Variants in LIN28B observed in about 807,000 individuals in gnomAD.
LIN28B encodes lin-28 RNA binding posttranscriptional regulator B, also known as protein lin-28 homolog B.
Under a neutral mutation model 21.9 loss-of-function variants are expected in LIN28B, and 5 were observed. That is an observed-to-expected ratio of 0.23 (90% CI 0.12 to 0.48). The LOEUF (loss-of-function observed/expected upper bound fraction) is 0.48, where lower values mean the gene tolerates loss of function less well. Ranked by LOEUF, LIN28B falls within the 20% of genes least tolerant of loss-of-function variation. The pLI is 0.98. For synonymous variants in LIN28B, 109 were observed against 111.3 expected, an observed-to-expected ratio of 0.98 and a Z score of 0.13; for missense variants, 245 against 310.5, an observed-to-expected ratio of 0.79 and a Z score of 1.58.
chr6:105,045,284 G>GTTT (rs57205680), intron 3 of LIN28B, among the ~76,000 whole-genome samples: 1,222 of 116,792 alleles, frequency 0.01, 78 homozygotes, highest in African/African-American at 0.039. Flanking sequence ...ATGTCATTCT[G>GTTT]TTTTTTTTTT....
intron 2 of LIN28B, among the ~76,000 whole-genome samples, chr6:105,023,525 ATAT>A (rs1562096552): frequency 1.4e-3 from 1 of 696 alleles, no homozygotes; most frequent in African/African-American, 2.3e-3. Context: ...ATATATAATT[ATAT>A]TATATAATAT....
intron 1 of LIN28B, among the ~76,000 whole-genome samples, chr6:104,957,539 G>A (rs1398479049): frequency 6.6e-6 from 1 of 151,070 alleles, no homozygotes; most frequent in Admixed American, 6.6e-5. Context: ...GTTTCAGTTA[G>A]TGATTCCAAG....
chr6:104,999,316 T>G (rs1770673727), intron 2 of LIN28B, among the ~76,000 whole-genome samples: 1 of 152,056 alleles, frequency 6.6e-6, no homozygotes, highest in South Asian at 2.1e-4. Context: ...ATTTTGTGTT[T>G]TTTGTAGAGA....
At chr6:104,950,727 C>T (rs1294963133) in intron 3 of LIN28B, among the ~76,000 whole-genome samples, 1 of 151,842 alleles carries the variant, frequency 6.6e-6, no homozygotes, top group Non-Finnish European at 1.5e-5. Context: ...TTCTAATTAA[C>T]CCCTTTCCCC....
chr6:104,986,138 C>T (rs1036340686), intron 2 of LIN28B, among the ~76,000 whole-genome samples: 1 of 152,070 alleles, frequency 6.6e-6, no homozygotes, highest in Admixed American at 6.6e-5. Flanking sequence ...AGCACTTCCC[C>T]CTTTGCTCTC....
intron 3 of LIN28B, among the ~76,000 whole-genome samples, chr6:105,036,831 T>C (rs1771531273): frequency 6.6e-6 from 1 of 152,224 alleles, no homozygotes; most frequent in African/African-American, 2.4e-5. Context: ...TGCTTTAGAC[T>C]GTGGCCTTGG....
chr6:104,941,031 G>C (rs1239523563), intron 2 of LIN28B: 1 of 152,142 alleles, frequency 6.6e-6, no homozygotes, highest in Non-Finnish European at 1.5e-5. Flanking sequence ...CCGGCCCCGC[G>C]GCCGCGCGAG....
rs1317672710 is a variant in LIN28B at position 105,013,177 on chromosome 6, A to G, written c.199-13121A>G. Among the ~76,000 whole-genome samples, 4 of 151,580 alleles carry G rather than the reference A, an allele frequency of 2.6e-5. No homozygotes were observed. The East Asian group carries it at 7.8e-4, about 29-fold the overall frequency. ...CAGGCGTGCACCACCAAGCCCGGCT[A>G]ATTTTGTATTTTTAGTAGAGACAGA... On this transcript the variant is annotated intron_variant, in intron 2 of 3. Coordinates refer to ENST00000345080, the MANE Select transcript of LIN28B (RefSeq NM_001004317.4).
intron 2 of LIN28B, among the ~76,000 whole-genome samples, chr6:105,012,728 T>G (rs967793877): frequency 6.6e-6 from 1 of 152,182 alleles, no homozygotes; most frequent in African/African-American, 2.4e-5. Context: ...TTGAAGGATA[T>G]CTACACTGTT....
intron 3 of LIN28B, among the ~76,000 whole-genome samples, chr6:105,041,525 G>T (rs1004406888): frequency 2.6e-5 from 4 of 151,826 alleles, no homozygotes; most frequent in Non-Finnish European, 5.9e-5. Flanking sequence ...GAAGTTCTAG[G>T]TTTTTTTTGT....
upstream of LIN28B, chr6:104,956,940 A>G (rs1318219205): frequency 1.6e-5 from 8 of 488,028 alleles, no homozygotes; most frequent in East Asian, 3.0e-4. Flanking sequence ...TTTCGTGTTC[A>G]TTCATAAATT....
At chr6:104,991,948 G>A (rs902612335) in intron 2 of LIN28B, among the ~76,000 whole-genome samples, 14 of 151,568 alleles carry the variant, frequency 9.2e-5, no homozygotes, top group African/African-American at 2.9e-4. Flanking sequence ...GCAGTGAGCG[G>A]AGATGGCAGC....
intron 3 of LIN28B, among the ~76,000 whole-genome samples, chr6:105,050,143 T>C (rs1424651474): frequency 2.6e-5 from 4 of 152,202 alleles, no homozygotes; most frequent in Non-Finnish European, 4.4e-5. Context: ...CTGGTACTGG[T>C]TGTTCCTTTC....
At chr6:104,991,515 C>T (rs560286714) in intron 2 of LIN28B, among the ~76,000 whole-genome samples, 1 of 151,592 alleles carries the variant, frequency 6.6e-6, no homozygotes, top group South Asian at 2.1e-4. Flanking sequence ...AAGAGGCGCT[C>T]CTCACTTCCC....
chr6:104,952,311 A>C (rs1474150112), upstream of LIN28B, among the ~76,000 whole-genome samples: 1 of 152,232 alleles, frequency 6.6e-6, no homozygotes, highest in African/African-American at 2.4e-5. Flanking sequence ...TTGCAGCTAA[A>C]ACATGAAGCT....
intron 3 of LIN28B, among the ~76,000 whole-genome samples, chr6:105,046,411 T>G (rs1363636753): frequency 1.3e-5 from 2 of 152,252 alleles, no homozygotes; most frequent in South Asian, 4.1e-4. Flanking sequence ...TAATCCAGTC[T>G]ATCATTGATG....
chr6:105,051,204 G>C (rs907770112), intron 3 of LIN28B, among the ~76,000 whole-genome samples: 1 of 151,656 alleles, frequency 6.6e-6, no homozygotes, highest in African/African-American at 2.4e-5. Context: ...ACTTTGGGAG[G>C]CCGAGTCGGG....
chr6:104,961,436 T>C (rs1769736879), intron 2 of LIN28B, among the ~76,000 whole-genome samples: 1 of 152,154 alleles, frequency 6.6e-6, no homozygotes, highest in South Asian at 2.1e-4. Flanking sequence ...AGTCTCACAC[T>C]GTCACCCGGG....
chr6:105,000,212 A>G, intron 2 of LIN28B, among the ~76,000 whole-genome samples: 1 of 152,260 alleles, frequency 6.6e-6, no homozygotes, highest in East Asian at 1.9e-4. Flanking sequence ...AAAGTATAGT[A>G]TGAAACATTG....
Sources: allele counts gnomAD v4.1 joint callset (sites outside exome capture counted in the v4.1 genomes callset), GRCh38; gene constraint gnomAD v4.1.1; transcripts MANE v1.5; gene names NCBI Gene and HGNC (gene_info 2026-07-23, HGNC 2026-07-21).